The following DPP10 variants were observed in gnomAD, a reference collection of about 807,000 sequenced individuals.
DPP10 encodes dipeptidyl peptidase like 10.
A neutral mutation model predicts 120.9 loss-of-function variants in DPP10; 33 were observed. The observed-to-expected ratio is 0.27, with a 90% CI of 0.21 to 0.37. The LOEUF (loss-of-function observed/expected upper bound fraction) is 0.37, where lower values mean the gene tolerates loss of function less well. DPP10 is among the 10% of genes least tolerant of loss of function. The pLI is 1.00. For synonymous variants in DPP10, 337 were observed against 326.1 expected (o/e 1.03, Z -0.36); for missense variants, 816 against 942.8 (o/e 0.87, Z 1.76).
chr2:114,795,671 G>C (rs1233530138), intron 1 of DPP10, among the ~76,000 whole-genome samples: 1 of 152,032 alleles, frequency 6.6e-6, no homozygotes, highest in Non-Finnish European at 1.5e-5. Context: ...ATTTTTAAAT[G>C]TTTAGAGATT....
At position 115,489,795 on chromosome 2, in the gene DPP10, A is replaced by T. The variant is rs549332907; in HGVS notation, c.272-9715A>T. On this transcript the variant is annotated intron_variant, in intron 3 of 25. Coordinates refer to ENST00000410059, the MANE Select transcript of DPP10 (RefSeq NM_020868.6). ...TTTGGATCTGCAGACAATCTCTATT[A>T]ATGTAACCAGACCTTCCCTTTCCCA... Among the ~76,000 whole-genome samples, 6 of 152,202 alleles carry T rather than the reference A, an allele frequency of 3.9e-5. No homozygotes were observed. The South Asian group carries it at 1.2e-3, about 32-fold the overall frequency.
chr2:115,591,026 G>A (rs1188163314), intron 5 of DPP10, among the ~76,000 whole-genome samples: 1 of 151,936 alleles, frequency 6.6e-6, no homozygotes, highest in Non-Finnish European at 1.5e-5. Flanking sequence ...ATTTTTTCTT[G>A]TTTAAGTTCT....
chr2:115,076,556 T>C (rs966734955), intron 1 of DPP10, among the ~76,000 whole-genome samples: 1 of 152,168 alleles, frequency 6.6e-6, no homozygotes, highest in Non-Finnish European at 1.5e-5. Flanking sequence ...TGTAATTTTT[T>C]GCACTATGTG....
chr2:115,333,879 G>A (rs1254276154), intron 2 of DPP10, among the ~76,000 whole-genome samples: 1 of 151,882 alleles, frequency 6.6e-6, no homozygotes, highest in South Asian at 2.1e-4. Context: ...CTTCAACTTT[G>A]GTGTATCTGA....
chr2:115,146,454 A>G (rs1204017191), intron 1 of DPP10, among the ~76,000 whole-genome samples: 1 of 152,132 alleles, frequency 6.6e-6, no homozygotes, highest in African/African-American at 2.4e-5. Context: ...TTTATATAAA[A>G]TAAATTATAC....
At chr2:115,835,632 CTG>C (rs1176835419) in intron 21 of DPP10, among the ~76,000 whole-genome samples, 1 of 152,168 alleles carries the variant, frequency 6.6e-6, no homozygotes, top group Non-Finnish European at 1.5e-5. Context: ...GTGAAATAGT[CTG>C]AGTGCAGCCT....
intron 5 of DPP10, among the ~76,000 whole-genome samples, chr2:115,607,767 A>T (rs964210088): frequency 1.3e-5 from 2 of 152,104 alleles, no homozygotes. Context: ...TGTCTTATAT[A>T]TAGTATATGA....
intron 1 of DPP10, among the ~76,000 whole-genome samples, chr2:114,662,032 C>T (rs1326013493): frequency 6.6e-6 from 1 of 151,668 alleles, no homozygotes; most frequent in East Asian, 1.9e-4. Context: ...AACCCGGGCT[C>T]TCCAGGCCGC....
intron 1 of DPP10, among the ~76,000 whole-genome samples, chr2:114,708,931 T>C (rs1211687625): frequency 1.3e-5 from 2 of 152,082 alleles, no homozygotes; most frequent in East Asian, 3.9e-4. Context: ...AATTTTGTAT[T>C]TTTTAGTAGA....
intron 5 of DPP10, among the ~76,000 whole-genome samples, chr2:115,560,203 T>C (rs1575177042): frequency 1.3e-5 from 2 of 149,132 alleles, no homozygotes; most frequent in East Asian, 4.0e-4. Context: ...ACCCCGTCTC[T>C]ACTAATAATA....
chr2:114,996,797 CA>C (rs1701113219), intron 1 of DPP10, among the ~76,000 whole-genome samples: 1 of 151,860 alleles, frequency 6.6e-6, no homozygotes, highest in South Asian at 2.1e-4. Context: ...TCCTGGCTAA[CA>C]CAGTGAAACT....
chr2:115,800,480 T>C (rs1685078622), intron 19 of DPP10, among the ~76,000 whole-genome samples: 1 of 152,214 alleles, frequency 6.6e-6, no homozygotes, highest in Non-Finnish European at 1.5e-5. Context: ...TTGCCATTGC[T>C]TTTGGTATTT....
At chr2:115,615,661 C>T (rs2084438930) in intron 5 of DPP10, among the ~76,000 whole-genome samples, 2 of 152,098 alleles carry the variant, frequency 1.3e-5, no homozygotes, top group African/African-American at 4.8e-5. Flanking sequence ...AGCACTGTTT[C>T]AAATTGGTAA....
intron 13 of DPP10, among the ~76,000 whole-genome samples, chr2:115,776,010 A>C (rs1453714774): frequency 6.6e-6 from 1 of 152,192 alleles, no homozygotes; most frequent in Non-Finnish European, 1.5e-5. Flanking sequence ...TGATGAAGGC[A>C]CTTGCCAAAA....
intron 1 of DPP10, among the ~76,000 whole-genome samples, chr2:115,294,342 A>G (rs2060789887): frequency 6.6e-6 from 1 of 152,152 alleles, no homozygotes; most frequent in Admixed American, 6.6e-5. Flanking sequence ...TCTAATGCAT[A>G]TCAGGCTTCG....
intron 3 of DPP10, among the ~76,000 whole-genome samples, chr2:115,425,492 T>C (rs567457031): frequency 4.6e-5 from 7 of 152,178 alleles, no homozygotes; most frequent in Admixed American, 4.6e-4. Flanking sequence ...TCAAAATTGC[T>C]CATTCTCAGA....
At chr2:114,922,195 A>G (rs1695246261) in intron 1 of DPP10, among the ~76,000 whole-genome samples, 1 of 152,228 alleles carries the variant, frequency 6.6e-6, no homozygotes, top group Non-Finnish European at 1.5e-5. Context: ...GATCATTACT[A>G]TCTAATTTTA....
chr2:115,637,722 A>G (rs905912466), intron 5 of DPP10, among the ~76,000 whole-genome samples: 14 of 152,200 alleles, frequency 9.2e-5, no homozygotes, highest in Admixed American at 9.2e-4. Flanking sequence ...TGATTAAATC[A>G]CTATTTTCTC....
chr2:114,872,887 C>T (rs565201960), intron 1 of DPP10, among the ~76,000 whole-genome samples: 4 of 152,266 alleles, frequency 2.6e-5, no homozygotes, highest in South Asian at 2.1e-4. Flanking sequence ...ATAAATTACA[C>T]GTTCATTACA....
Sources: allele counts gnomAD v4.1 joint callset (sites outside exome capture counted in the v4.1 genomes callset), GRCh38; gene constraint gnomAD v4.1.1; transcripts MANE v1.5; gene names NCBI Gene and HGNC (gene_info 2026-07-23, HGNC 2026-07-21).